The following CLVS1 variants were observed in gnomAD, a reference collection of about 807,000 sequenced individuals.
The protein encoded by CLVS1 is clavesin 1, also known as clavesin-1.
CLVS1 carries 10 observed loss-of-function variants against 33.1 expected under a neutral mutation model. The ratio of observed to expected loss-of-function variants is 0.30; its 90% CI spans 0.19 to 0.51. CLVS1 has a LOEUF of 0.51. CLVS1 is among the 20% of genes least tolerant of loss of function. The pLI, the probability that CLVS1 is intolerant of heterozygous loss-of-function variation, is 0.97. For missense variants in CLVS1, 343 were observed against 433.4 expected, an observed-to-expected ratio of 0.79 and a Z score of 1.85; for synonymous variants, 163 against 166.1, an observed-to-expected ratio of 0.98 and a Z score of 0.14.
At chr8:61,437,602 A>G (rs758208018) in intron 3 of CLVS1, among the ~76,000 whole-genome samples, 6 of 152,116 alleles carry the variant, frequency 3.9e-5, no homozygotes, top group Non-Finnish European at 7.4e-5. Context: ...ACCAATATGG[A>G]GATATGCAAG....
At chr8:61,014,818 A>G in the CLVS1 span, among the ~76,000 whole-genome samples, 1 of 152,244 alleles carries the variant, frequency 6.6e-6, no homozygotes, top group Non-Finnish European at 1.5e-5. Context: ...AAACAACTGC[A>G]AAATAATCTT....
At chr8:61,398,669 C>G (rs1369623061) in intron 3 of CLVS1, among the ~76,000 whole-genome samples, 2 of 152,120 alleles carry the variant, frequency 1.3e-5, no homozygotes, top group Non-Finnish European at 2.9e-5. Flanking sequence ...AACCCAGCAT[C>G]TATTAACTAT....
intron 2 of CLVS1, among the ~76,000 whole-genome samples, chr8:61,344,928 G>T (rs1812153014): frequency 6.6e-6 from 1 of 152,034 alleles, no homozygotes; most frequent in Non-Finnish European, 1.5e-5. Flanking sequence ...AAAGAAAGTG[G>T]AAAAGTACCA....
At chr8:60,997,685 A>C in the CLVS1 span, among the ~76,000 whole-genome samples, 1 of 152,150 alleles carries the variant, frequency 6.6e-6, no homozygotes, top group African/African-American at 2.4e-5. Flanking sequence ...GTGGTGATGA[A>C]CGAAGCCAGC....
At chr8:61,165,181 A>G (rs1232283306) in intron 2 of CLVS1, among the ~76,000 whole-genome samples, 1 of 152,248 alleles carries the variant, frequency 6.6e-6, no homozygotes, top group Non-Finnish European at 1.5e-5. Context: ...TCCTTGGATA[A>G]GGAGCATAGC....
intron 3 of CLVS1, among the ~76,000 whole-genome samples, chr8:61,392,755 G>A (rs922247729): frequency 6.6e-6 from 1 of 150,722 alleles, no homozygotes; most frequent in African/African-American, 2.5e-5. Flanking sequence ...AGCTACTCAG[G>A]AGCCTGAGGC....
chr8:61,355,326 T>C (rs55837890), intron 2 of CLVS1, among the ~76,000 whole-genome samples: 1,691 of 152,176 alleles, frequency 0.011, 26 homozygotes, highest in African/African-American at 0.037. Context: ...AAATTTTTAT[T>C]TGTCAATTCA....
At chr8:61,323,089 T>C (rs1182421934) in intron 2 of CLVS1, among the ~76,000 whole-genome samples, 1 of 152,174 alleles carries the variant, frequency 6.6e-6, no homozygotes, top group Non-Finnish European at 1.5e-5. Context: ...CTTTCCTATT[T>C]CTTATGATTC....
chr8:61,063,609 T>A (rs942638134), intron 1 of CLVS1, among the ~76,000 whole-genome samples: 1 of 152,308 alleles, frequency 6.6e-6, no homozygotes, highest in East Asian at 1.9e-4. Flanking sequence ...GGATTTGATC[T>A]GAGAAAATGG....
chr8:61,068,522 A>C (rs1341699191), intron 1 of CLVS1, among the ~76,000 whole-genome samples: 1 of 152,000 alleles, frequency 6.6e-6, no homozygotes, highest in African/African-American at 2.4e-5. Flanking sequence ...CTGATGAATT[A>C]GGAGATATTT....
At chr8:61,495,124 G>C (rs1294026584) in intron 5 of CLVS1, among the ~76,000 whole-genome samples, 1 of 152,118 alleles carries the variant, frequency 6.6e-6, no homozygotes, top group East Asian at 1.9e-4. Flanking sequence ...GACTCAATGT[G>C]GAGGGGGAAG....
intron 5 of CLVS1, among the ~76,000 whole-genome samples, chr8:61,497,734 T>TAAAGGAATA (rs1392286639): frequency 6.6e-6 from 1 of 152,146 alleles, no homozygotes; most frequent in Non-Finnish European, 1.5e-5. Flanking sequence ...ATTAAGAAAG[T>TAAAGGAATA]AAAGGAATAA....
intron 1 of CLVS1, among the ~76,000 whole-genome samples, chr8:61,097,342 TAATA>T (rs1030787998): frequency 2.6e-5 from 4 of 151,348 alleles, no homozygotes; most frequent in African/African-American, 7.3e-5. Flanking sequence ...AATAAACAAA[TAATA>T]AATAAAAACT....
the CLVS1 span, among the ~76,000 whole-genome samples, chr8:61,031,858 G>C: frequency 6.6e-6 from 1 of 152,136 alleles, no homozygotes; most frequent in Non-Finnish European, 1.5e-5. Context: ...TTAAATAAAA[G>C]GGAAAAATGG....
intron 2 of CLVS1, among the ~76,000 whole-genome samples, chr8:61,172,712 A>T (rs13255501): frequency 0.76 from 115,608 of 152,014 alleles, 45,074 homozygotes; most frequent in Middle Eastern, 0.93. Context: ...AATTTATCGT[A>T]TTTTCACATA....
At chr8:60,973,468 C>T in the CLVS1 span, among the ~76,000 whole-genome samples, 6 of 152,234 alleles carry the variant, frequency 3.9e-5, no homozygotes, top group African/African-American at 1.4e-4. Context: ...TCTGTAGCAA[C>T]CTCAATTCTT....
intron 2 of CLVS1, among the ~76,000 whole-genome samples, chr8:61,305,381 T>C (rs746590339): frequency 6.6e-6 from 1 of 152,082 alleles, no homozygotes; most frequent in Non-Finnish European, 1.5e-5. Flanking sequence ...TCTATCTTCA[T>C]GAGATTCACA....
At chr8:60,984,956 T>C in the CLVS1 span, among the ~76,000 whole-genome samples, 1 of 152,148 alleles carries the variant, frequency 6.6e-6, no homozygotes, top group African/African-American at 2.4e-5. Context: ...AAATAGTCTG[T>C]AAGTGTTCTG....
At chr8:61,332,944 A>G (rs899576103) in intron 2 of CLVS1, among the ~76,000 whole-genome samples, 1 of 152,202 alleles carries the variant, frequency 6.6e-6, no homozygotes, top group African/African-American at 2.4e-5. Flanking sequence ...CTAAACTCCC[A>G]AGCTTCATCT....
Sources: gnomAD v4.1 joint callset for allele counts (sites outside exome capture counted in the v4.1 genomes callset) on GRCh38, gnomAD v4.1.1 for gene constraint, MANE v1.5 for transcripts, NCBI Gene and HGNC (gene_info 2026-07-23, HGNC 2026-07-21) for gene names.